HROB: variants seen among roughly 807,000 people sequenced by gnomAD.
HROB encodes the protein homologous recombination factor with OB-fold.
A neutral mutation model predicts 61.0 loss-of-function variants in HROB; 44 were observed. That is an observed-to-expected ratio of 0.72 (90% CI 0.57 to 0.93). The LOEUF is 0.93. Ranked by LOEUF, HROB falls within the 40% of genes least tolerant of loss-of-function variation. The pLI, the probability that HROB is intolerant of heterozygous loss-of-function variation, is 0.00. For missense variants in HROB, 716 were observed against 796.2 expected, an observed-to-expected ratio of 0.90 and a Z score of 1.21; for synonymous variants, 301 against 310.4, an observed-to-expected ratio of 0.97 and a Z score of 0.32.
rs751626122 is a variant in HROB at position 44,147,996 on chromosome 17, C to G, written c.193C>G (p.Pro65Ala). The change falls in exon 3 of 10, where the codon CCC becomes GCC. Residue 65 changes from proline (P) to alanine (A), a missense_variant. Pro to Ala is a conservative substitution (Grantham distance 27). Transcript: ENST00000585683. ...GTCCTCCAGGCTGCTGCTGTTACAC[C>G]CCACTGCTCCCTCAGAGGCTTTGGG... ...AQSSRLLLLHPTAPSEALGLP... is the reference protein window; with the variant it reads ...AQSSRLLLLHATAPSEALGLP... The G allele has an allele frequency of 4.3e-6, 7 of 1,613,898 alleles. No individual in the cohort carries two copies.
At chr17:44,150,921 G>A in intron 3 of HROB, 40 bp from the exon 4 acceptor site, 5 of 1,521,546 alleles carry the variant, frequency 3.3e-6, no homozygotes, top group Non-Finnish European at 4.5e-6. Context: ...AATAACAGCT[G>A]CTAAGCTTGC....
At chr17:44,142,806 A>G (rs542506891) in intron 1 of HROB, among the ~76,000 whole-genome samples, 8 of 152,254 alleles carry the variant, frequency 5.3e-5, no homozygotes, top group African/African-American at 1.4e-4. Flanking sequence ...TGCAGAAACA[A>G]TGCCACTGTG....
intron 2 of HROB, among the ~76,000 whole-genome samples, chr17:44,145,789 A>C (rs980014260): frequency 4.6e-5 from 7 of 152,190 alleles, no homozygotes; most frequent in Non-Finnish European, 7.3e-5. Flanking sequence ...CGTTAGAATT[A>C]CCCTTGTCTA....
intron 9 of HROB, among the ~76,000 whole-genome samples, chr17:44,158,538 C>T (rs1351891217): frequency 1.3e-5 from 2 of 152,014 alleles, no homozygotes; most frequent in Non-Finnish European, 2.9e-5. Context: ...GGCTGGAGTG[C>T]AGTGTTATGA....
chr17:44,157,878 G>A lies in HROB; in HGVS notation c.1816G>A (p.Gly606Ser), dbSNP rs1212176404. The A allele has an allele frequency of 6.2e-7, 1 of 1,613,776 alleles. No homozygotes were observed. The highest frequency in any genetic ancestry group is 1.7e-5 in the Admixed American group (1 of 59,994). ...TGATGTGGCTGCAAAGCCCGAGGAAGGCTTCAGAACAGCACAGAACCTAGA... is the reference window on the plus strand; with the variant it reads ...TGATGTGGCTGCAAAGCCCGAGGAAAGCTTCAGAACAGCACAGAACCTAGA... ...QHDVAAKPEE[G>S]FRTAQNLEAE... The change falls in exon 9 of 10, where the codon GGC becomes AGC. Residue 606 changes from glycine (G) to serine (S), a missense_variant. Gly to Ser is a moderately conservative substitution (Grantham distance 56, BLOSUM62 0). Coordinates refer to ENST00000585683, the MANE Select transcript of HROB (RefSeq NM_001171251.3).
At chr17:44,144,918 G>A (rs891523673) in intron 1 of HROB, among the ~76,000 whole-genome samples, 1 of 151,552 alleles carries the variant, frequency 6.6e-6, no homozygotes, top group South Asian at 2.1e-4. Context: ...GTTTCTCCAT[G>A]TTGGCCAGGT....
At position 44,154,997 on chromosome 17, in the gene HROB, CCTT is replaced by C; in HGVS notation, c.1644+60_1644+62del. On this transcript the variant is annotated intron_variant, in intron 7 of 9. Transcript: ENST00000585683. ...CGGATAGAGCCCTCAGTGTCTGTCT[CCTT>C]ACCTGTTTGGCTGCCTTCCTCTACA... 1.9e-6 allele frequency: 3 copies of C among 1,563,814 alleles called. No homozygotes were observed. The South Asian group carries it at 3.5e-5, about 18-fold the overall frequency.
In HROB at chr17:44,152,514, T is replaced by G. The variant is rs1598098279; in HGVS notation, c.1309-123T>G. On this transcript the variant is annotated intron_variant, in intron 4 of 9. Transcript: ENST00000585683. ...AAATGAGAGGAGAGACTGTGGCCAT[T>G]GTACTACAGTTTTTCCGAGGGGATT... 11 of 1,069,034 alleles carry G rather than the reference T, an allele frequency of 1.0e-5. No individual in the cohort carries two copies. The East Asian group carries it at 2.5e-4, about 25-fold the overall frequency. 66.2% of individuals were successfully genotyped at this position (1,069,034 alleles called of 1,614,324 possible). A position where few individuals can be genotyped will look rare whatever the true frequency, so the allele number is the denominator to read the frequency against.
chr17:44,160,430 G>A (rs552576898), intron 9 of HROB, among the ~76,000 whole-genome samples: 14 of 152,188 alleles, frequency 9.2e-5, no homozygotes, highest in African/African-American at 2.6e-4. Context: ...TTAGCCAGGC[G>A]TGGTGGCGGG....
chr17:44,154,390 G>C (rs1003839953), intron 5 of HROB, 166 bp from the exon 6 acceptor site: 1 of 618,058 alleles, frequency 1.6e-6, no homozygotes, highest in East Asian at 2.8e-5. Context: ...CCCAGCTCTA[G>C]GTCTGTCAGA....
chr17:44,157,967 C>G (rs746297761), intron 9 of HROB, 26 bp downstream of exon 9: 2 of 1,551,006 alleles, frequency 1.3e-6, no homozygotes, highest in East Asian at 4.5e-5. Context: ...CATCTGGGAG[C>G]AAGAGAGGTT....
chr17:44,152,270 G>A (rs1254214745), intron 4 of HROB, among the ~76,000 whole-genome samples: 2 of 151,936 alleles, frequency 1.3e-5, no homozygotes, highest in Admixed American at 6.6e-5. Context: ...GTGAGCCACC[G>A]CGTCTGGCCC....
rs1332447929 is a variant in HROB at position 44,149,041 on chromosome 17, CT to C, written c.1224+17del. ...CTGCCTCACCAGGTGAGTGAGCTGG[CT>C]TTCTAGGATTTGGTGGGCAAGGGAG... On this transcript the variant is annotated intron_variant, in intron 3 of 9. Transcript: ENST00000585683. 1.9e-6 allele frequency: 3 copies of C among 1,607,052 alleles called. No homozygotes were observed. The highest frequency in any genetic ancestry group is 1.7e-5 in the Admixed American group (1 of 59,714).
intron 5 of HROB, 57 bp from the exon 6 acceptor site, chr17:44,154,499 C>G (rs749752712): frequency 1.3e-6 from 2 of 1,570,068 alleles, no homozygotes; most frequent in Non-Finnish European, 1.8e-6. Flanking sequence ...ACTTGGAGAC[C>G]TGGGAAGTCA....
chr17:44,160,902 T>C (rs1374437355), intron 9 of HROB, among the ~76,000 whole-genome samples: 4 of 152,130 alleles, frequency 2.6e-5, no homozygotes, highest in Non-Finnish European at 5.9e-5. Context: ...GAGTTGATTA[T>C]AGAATATTAG....
intron 3 of HROB, 119 bp downstream of exon 3, chr17:44,149,146 C>A: frequency 1.9e-6 from 2 of 1,033,560 alleles, no homozygotes; most frequent in East Asian, 2.6e-5. Flanking sequence ...TGCAGAGAGG[C>A]TTTTCAAAGC....
chr17:44,150,714 C>G (rs969202973), intron 3 of HROB, among the ~76,000 whole-genome samples: 8 of 152,172 alleles, frequency 5.3e-5, no homozygotes, highest in African/African-American at 1.4e-4. Context: ...TGGGTCACTG[C>G]CCCCTTCAGG....
chr17:44,149,100 C>A (rs2053717691), intron 3 of HROB, 73 bp downstream of exon 3: 7 of 1,388,786 alleles, frequency 5.0e-6, no homozygotes, highest in African/African-American at 4.4e-5. Flanking sequence ...CCAGCCCTAG[C>A]ATATCTTCCC....
chr17:44,149,295 C>T (rs773136506), intron 3 of HROB, among the ~76,000 whole-genome samples: 3 of 151,278 alleles, frequency 2.0e-5, no homozygotes, highest in Non-Finnish European at 4.4e-5. Context: ...AACATCCAGG[C>T]TGGAGTGCAG....
Sources: allele counts gnomAD v4.1 joint callset (sites outside exome capture counted in the v4.1 genomes callset), GRCh38; gene constraint gnomAD v4.1.1; transcripts MANE v1.5; gene names NCBI Gene and HGNC (gene_info 2026-07-23, HGNC 2026-07-21).